The following CSMD3 variants were observed in gnomAD, a reference collection of about 807,000 sequenced individuals.
CSMD3 encodes the protein CUB and Sushi multiple domains 3, also known as CUB and sushi domain-containing protein 3.
A neutral mutation model predicts 435.2 loss-of-function variants in CSMD3; 177 were observed. That is an observed-to-expected ratio of 0.41 (90% CI 0.36 to 0.46). CSMD3 has a LOEUF of 0.46. CSMD3 is among the 20% of genes least tolerant of loss of function. The pLI is 0.34. For missense variants in CSMD3, 4,265 were observed against 4,504.6 expected (o/e 0.95, Z 1.52); for synonymous variants, 1,656 against 1,520.5 (o/e 1.09, Z -2.07).
intron 5 of CSMD3, among the ~76,000 whole-genome samples, chr8:113,068,000 A>T (rs1217632111): frequency 6.6e-6 from 1 of 152,138 alleles, no homozygotes; most frequent in African/African-American, 2.4e-5. Flanking sequence ...TGACTTAGGT[A>T]CTTTGAATAA....
intron 61 of CSMD3, among the ~76,000 whole-genome samples, chr8:112,260,931 T>C (rs1816328890): frequency 2.0e-5 from 3 of 152,168 alleles, no homozygotes; most frequent in Admixed American, 2.0e-4. Context: ...GGAATAAAAC[T>C]ACACTTGTAC....
chr8:113,272,318 A>G (rs1404976438), intron 3 of CSMD3, among the ~76,000 whole-genome samples: 1 of 152,118 alleles, frequency 6.6e-6, no homozygotes. Context: ...CTTCACCCAA[A>G]TCTCACCTTG....
intron 22 of CSMD3, among the ~76,000 whole-genome samples, chr8:112,594,591 C>T (rs1197997074): frequency 6.6e-6 from 1 of 152,174 alleles, no homozygotes; most frequent in African/African-American, 2.4e-5. Context: ...ACAGCAGTAA[C>T]CTCTGCAGAC....
chr8:112,597,730 T>C (rs1473460848), intron 22 of CSMD3, among the ~76,000 whole-genome samples: 1 of 136,624 alleles, frequency 7.3e-6, no homozygotes, highest in African/African-American at 2.9e-5. Context: ...AATCAATAAG[T>C]GTAATCCAGC....
intron 3 of CSMD3, among the ~76,000 whole-genome samples, chr8:113,254,357 A>G (rs559830210): frequency 1.3e-4 from 20 of 152,338 alleles, no homozygotes; most frequent in African/African-American, 4.8e-4. Context: ...CAACAGGAAA[A>G]GGCTAACCAG....
chr8:112,630,350 A>T (rs529537264), intron 22 of CSMD3, among the ~76,000 whole-genome samples: 273 of 152,322 alleles, frequency 1.8e-3, no homozygotes, highest in African/African-American at 6.3e-3. Context: ...GAGATTATAT[A>T]TATAACTGCT....
chr8:112,318,273 T>C (rs1822663881), intron 47 of CSMD3, among the ~76,000 whole-genome samples: 1 of 151,982 alleles, frequency 6.6e-6, no homozygotes, highest in Non-Finnish European at 1.5e-5. Flanking sequence ...CACAACCGGT[T>C]AAAAATTATA....
At chr8:112,869,806 C>A (rs867362378) in intron 10 of CSMD3, among the ~76,000 whole-genome samples, 2 of 152,268 alleles carry the variant, frequency 1.3e-5, no homozygotes, top group African/African-American at 4.8e-5. Context: ...ACCACATGTT[C>A]TCACTCATAA....
At chr8:113,050,666 T>C (rs1472719609) in intron 5 of CSMD3, among the ~76,000 whole-genome samples, 1 of 152,124 alleles carries the variant, frequency 6.6e-6, no homozygotes, top group South Asian at 2.1e-4. Flanking sequence ...CCCATTCATT[T>C]TAAGCATAGA....
At chr8:112,678,674 T>C (rs922094923) in intron 16 of CSMD3, among the ~76,000 whole-genome samples, 1 of 151,484 alleles carries the variant, frequency 6.6e-6, no homozygotes, top group Non-Finnish European at 1.5e-5. Context: ...TAAAACAAAA[T>C]GTTCTACCTT....
chr8:112,360,116 C>T (rs910617803), intron 38 of CSMD3, among the ~76,000 whole-genome samples: 3 of 151,964 alleles, frequency 2.0e-5, no homozygotes, highest in Non-Finnish European at 2.9e-5. Context: ...TACAATTTCA[C>T]CTTCCTTTGG....
At chr8:112,405,206 A>AAAAAC (rs1831686030) in intron 35 of CSMD3, among the ~76,000 whole-genome samples, 1 of 27,528 alleles carries the variant, frequency 3.6e-5, no homozygotes, top group Non-Finnish European at 7.5e-5. Flanking sequence ...AAAAAAAAAA[A>AAAAAC]AAACCCCCAT....
intron 70 of CSMD3, among the ~76,000 whole-genome samples, chr8:112,228,249 T>C (rs1276788231): frequency 6.6e-6 from 1 of 152,144 alleles, no homozygotes; most frequent in East Asian, 1.9e-4. Flanking sequence ...CACAAATATA[T>C]TAATTGCAAT....
At chr8:113,326,336 T>A (rs1321106400) in intron 1 of CSMD3, among the ~76,000 whole-genome samples, 6 of 136,228 alleles carry the variant, frequency 4.4e-5, no homozygotes, top group Non-Finnish European at 8.0e-5. Flanking sequence ...TTATATTAAT[T>A]ATATTAAGAT....
At chr8:113,049,667 C>T (rs907488087) in intron 5 of CSMD3, among the ~76,000 whole-genome samples, 2 of 152,154 alleles carry the variant, frequency 1.3e-5, no homozygotes, top group Admixed American at 1.3e-4. Flanking sequence ...TTTATGTTGA[C>T]ATTTTCAATT....
chr8:112,599,666 A>G (rs1239109497), intron 22 of CSMD3, among the ~76,000 whole-genome samples: 1 of 151,668 alleles, frequency 6.6e-6, no homozygotes, highest in Non-Finnish European at 1.5e-5. Flanking sequence ...TGGCACATAT[A>G]CACCATGGAA....
intron 22 of CSMD3, among the ~76,000 whole-genome samples, chr8:112,600,276 A>G (rs376155334): frequency 1.4e-4 from 22 of 152,322 alleles, no homozygotes; most frequent in African/African-American, 5.3e-4. Context: ...GTAGTTTTCA[A>G]ATAAATGGCT....
In CSMD3 at chr8:112,336,635, C is replaced by T. The variant is rs769409536; in HGVS notation, c.7019+17G>A. Reference sequence around the variant, plus strand: ...TGTATATAATTGAATAAATCAATAACAATAGTCCTGACTTACCATACAGTA... The same window carrying T: ...TGTATATAATTGAATAAATCAATAATAATAGTCCTGACTTACCATACAGTA... On this transcript the variant is annotated intron_variant, in intron 44 of 70. Coordinates refer to ENST00000297405, the MANE Select transcript of CSMD3 (RefSeq NM_198123.2). 5 of 1,563,234 alleles carry T rather than the reference C, an allele frequency of 3.2e-6. No homozygotes were observed. The African/African-American group carries it at 5.4e-5, about 17-fold the overall frequency.
At chr8:112,834,301 C>A (rs1224568855) in intron 11 of CSMD3, among the ~76,000 whole-genome samples, 2 of 151,748 alleles carry the variant, frequency 1.3e-5, no homozygotes, top group African/African-American at 4.8e-5. Context: ...CTAGAATATT[C>A]TGATTGAATT....
Sources: allele counts gnomAD v4.1 joint callset (sites outside exome capture counted in the v4.1 genomes callset), GRCh38; gene constraint gnomAD v4.1.1; transcripts MANE v1.5; gene names NCBI Gene and HGNC (gene_info 2026-07-23, HGNC 2026-07-21).